The following ORC2 variants were observed in gnomAD, a reference collection of about 807,000 sequenced individuals.
ORC2 encodes the protein origin recognition complex protein 2 homolog.
ORC2 carries 37 observed loss-of-function variants against 77.7 expected under a neutral mutation model. That is an observed-to-expected ratio of 0.48 (90% CI 0.37 to 0.63). The LOEUF (loss-of-function observed/expected upper bound fraction) is 0.63. Ranked by LOEUF, ORC2 falls within the 20% of genes least tolerant of loss-of-function variation. The pLI is 0.00. For missense variants in ORC2, 557 were observed against 661.9 expected (o/e 0.84, Z 1.74); for synonymous variants, 201 against 229.5 (o/e 0.88, Z 1.12).
chr2:200,913,543 T>C, intron 16 of ORC2, 130 bp from the exon 17 acceptor site: 3 of 1,365,606 alleles, frequency 2.2e-6, no homozygotes, highest in Non-Finnish European at 2.8e-6. Flanking sequence ...CAAGTATTGA[T>C]AGGACTTTTA....
chr2:200,919,565 G>T (rs1342391587), intron 15 of ORC2, among the ~76,000 whole-genome samples: 1 of 152,102 alleles, frequency 6.6e-6, no homozygotes, highest in African/African-American at 2.4e-5. Context: ...CCCCATGTCG[G>T]CCAGGCTGGT....
At chr2:200,942,264 A>G (rs918161288) in intron 6 of ORC2, among the ~76,000 whole-genome samples, 1 of 152,226 alleles carries the variant, frequency 6.6e-6, no homozygotes, top group African/African-American at 2.4e-5. Flanking sequence ...AAATATAAAT[A>G]AAGAGCAACG....
At chr2:200,962,111 C>G (rs1007531093) in intron 1 of ORC2, among the ~76,000 whole-genome samples, 1 of 152,096 alleles carries the variant, frequency 6.6e-6, no homozygotes, top group Non-Finnish European at 1.5e-5. Flanking sequence ...ACAAAATCAC[C>G]AAATTAAAGA....
intron 16 of ORC2, 77 bp downstream of exon 16, chr2:200,913,854 G>A: frequency 6.7e-7 from 1 of 1,500,958 alleles, no homozygotes; most frequent in Non-Finnish European, 8.9e-7. Flanking sequence ...CTGCACTGCT[G>A]TCATTAAATT....
chr2:200,912,439 AG>A (rs1158740038), intron 17 of ORC2, among the ~76,000 whole-genome samples: 2 of 152,106 alleles, frequency 1.3e-5, no homozygotes, highest in Non-Finnish European at 2.9e-5. Context: ...TTTTTGAAAT[AG>A]GGTTTCACTC....
rs777378488 is a variant in ORC2, at chr2:200,931,367, A to C, written c.889T>G (p.Leu297Val). ...LKQLNQQYEK[L>V]FHKWMLQLHL... ...AATTGCAGCATCCATTTATGAAATA[A>C]TTTTTCATACTGTTGATTTAGTTGT... The change falls in exon 11 of 18, where the codon TTA becomes GTA. Residue 297 changes from leucine to valine, a missense_variant. Physicochemically the swap from Leu to Val is conservative, Grantham distance 32 (BLOSUM62 1). Coordinates refer to ENST00000234296, the MANE Select transcript of ORC2 (RefSeq NM_006190.5). 22 of 1,494,146 alleles carry C rather than the reference A, an allele frequency of 1.5e-5. No homozygotes were observed. The highest frequency in any genetic ancestry group is 2.0e-5 in the Non-Finnish European group (22 of 1,111,258). The allele number at this position is 1,494,146 out of a possible 1,614,324, so 92.6% of individuals were successfully genotyped here.
chr2:200,924,684 A>C lies in ORC2; in HGVS notation c.1147+1152T>G, dbSNP rs111621140. The stretch of plus-strand genomic sequence containing the variant: ...TCACATAACCAAAACATTCACACCA[A>C]AAGAATCAAGAGATCTTAGTATATA... On this transcript the variant is annotated intron_variant, in intron 13 of 17. Transcript: ENST00000234296. 8.5e-3 allele frequency among the ~76,000 whole-genome samples: 1,288 copies of C among 152,296 alleles called. 11 individuals are homozygous for C. Among genetic ancestry groups the C allele is most frequent in the Non-Finnish European group, 0.01 (686 of 68,042 alleles).
At chr2:200,954,996 T>C (rs1412991844) in intron 4 of ORC2, among the ~76,000 whole-genome samples, 3 of 152,130 alleles carry the variant, frequency 2.0e-5, no homozygotes, top group Non-Finnish European at 4.4e-5. Context: ...AGGATGCCAA[T>C]CAAGGCCAGT....
chr2:200,952,043 G>A (rs1173947204), intron 4 of ORC2, among the ~76,000 whole-genome samples: 1 of 151,726 alleles, frequency 6.6e-6, no homozygotes, highest in Non-Finnish European at 1.5e-5. Context: ...GGAGGTAGAG[G>A]GCCTTTTTTT....
chr2:200,942,287 T>A (rs1032858585), intron 6 of ORC2, among the ~76,000 whole-genome samples: 1 of 152,234 alleles, frequency 6.6e-6, no homozygotes. Context: ...ATGTACACTT[T>A]TTAATCTAGT....
intron 17 of ORC2, among the ~76,000 whole-genome samples, chr2:200,912,027 C>T (rs1208708733): frequency 6.6e-6 from 1 of 152,184 alleles, no homozygotes; most frequent in Non-Finnish European, 1.5e-5. Context: ...ATTTTCTCTG[C>T]ATTAAAACAT....
At chr2:200,935,971 G>A (rs1186131324) in intron 8 of ORC2, 79 bp from the exon 9 acceptor site, 2 of 1,185,822 alleles carry the variant, frequency 1.7e-6, no homozygotes, top group Non-Finnish European at 2.4e-6. Context: ...AAAGAGTGGG[G>A]GCTCTGTAGT....
chr2:200,960,703 C>T (rs951893486), intron 1 of ORC2, among the ~76,000 whole-genome samples: 2 of 152,144 alleles, frequency 1.3e-5, no homozygotes, highest in African/African-American at 4.8e-5. Context: ...ATATTAATAA[C>T]TCATTGAATT....
intron 13 of ORC2, among the ~76,000 whole-genome samples, chr2:200,923,976 A>C (rs1354465997): frequency 6.6e-6 from 1 of 152,208 alleles, no homozygotes; most frequent in African/African-American, 2.4e-5. Flanking sequence ...AAATGTTAGC[A>C]AGCAGGTAAA....
chr2:200,932,181 AC>A (rs908504423), intron 10 of ORC2, among the ~76,000 whole-genome samples: 14 of 152,164 alleles, frequency 9.2e-5, no homozygotes, highest in African/African-American at 3.4e-4. Context: ...TTAAAAAAAA[AC>A]AACTCTTATC....
At chr2:200,945,200 A>T (rs1270334595) in intron 5 of ORC2, among the ~76,000 whole-genome samples, 1 of 152,080 alleles carries the variant, frequency 6.6e-6, no homozygotes, top group Non-Finnish European at 1.5e-5. Context: ...TCTTGCTCCT[A>T]TGTCATATTT....
rs963741488 is a variant in ORC2 at position 200,963,479 on chromosome 2, C to G, written c.-60+11G>C. 15 of 398,584 alleles carry G rather than the reference C, an allele frequency of 3.8e-5. No homozygotes were observed. The highest frequency in any genetic ancestry group is 6.2e-5 in the Non-Finnish European group (14 of 226,112). The allele number at this position is 398,584 out of a possible 1,614,324, so 24.7% of individuals were successfully genotyped here. On this transcript the variant is annotated intron_variant, in intron 1 of 17. Transcript: ENST00000234296. The stretch of plus-strand genomic sequence containing the variant: ...AAGGGAGGCAGGCTGCCCCGACACC[C>G]CACTACTCACCGCTAGGTTTCCGTC...
chr2:200,921,014 C>A lies in ORC2; in HGVS notation c.1273G>T (p.Asp425Tyr). Residue 425 changes from aspartate to tyrosine, a missense_variant, in exon 14 of 18, where the codon GAC (aspartate) becomes TAC (tyrosine). Transcript: ENST00000234296. ...TTACTGAGAGGAGCATTGAGGTGGT[C>A]AATGGATGCTATAAGGTAAATGTTA... ...LHNIYLIASIDHLNAPLMWDH... is the reference protein window; with the variant it reads ...LHNIYLIASIYHLNAPLMWDH... The A allele has an allele frequency of 6.3e-7, 1 of 1,593,320 alleles. No individual in the cohort carries two copies. Among genetic ancestry groups the A allele is most frequent in the African/African-American group, 1.3e-5 (1 of 74,374 alleles).
intron 13 of ORC2, among the ~76,000 whole-genome samples, chr2:200,921,950 TTTAA>T: frequency 6.6e-6 from 1 of 152,098 alleles, no homozygotes; most frequent in African/African-American, 2.4e-5. Context: ...AGAAAGCAGC[TTTAA>T]TAAGGCATGG....
Sources: gnomAD v4.1 joint callset for allele counts (sites outside exome capture counted in the v4.1 genomes callset) on GRCh38, gnomAD v4.1.1 for gene constraint, MANE v1.5 for transcripts, NCBI Gene and HGNC (gene_info 2026-07-23, HGNC 2026-07-21) for gene names.